Variants in NRROS observed in about 807,000 individuals in gnomAD.
NRROS encodes transforming growth factor beta activator LRRC33.
NRROS carries 6 observed loss-of-function variants against 12.0 expected under a neutral mutation model. The ratio of observed to expected loss-of-function variants is 0.50; its 90% CI spans 0.27 to 0.98. NRROS has a LOEUF of 0.98. NRROS is among the 50% of genes least tolerant of loss of function. NRROS has a pLI of 0.11. For synonymous variants in NRROS, 462 were observed against 410.2 expected, an observed-to-expected ratio of 1.13 and a Z score of -1.53; for missense variants, 857 against 888.2, an observed-to-expected ratio of 0.96 and a Z score of 0.45.
chr3:196,653,288 C>T (rs1737466912), intron 1 of NRROS, among the ~76,000 whole-genome samples: 1 of 152,230 alleles, frequency 6.6e-6, no homozygotes, highest in South Asian at 2.1e-4. Flanking sequence ...TGAAAGCTGG[C>T]TTACCCGGTT....
At chr3:196,640,182 G>C (rs1381872119) in intron 1 of NRROS, among the ~76,000 whole-genome samples, 2 of 152,220 alleles carry the variant, frequency 1.3e-5, no homozygotes, top group African/African-American at 4.8e-5. Flanking sequence ...GGCTCTGCAG[G>C]GAGCATGTGA....
rs1299936233 is a variant in NRROS, at chr3:196,661,278, G to A, written c.1635G>A (p.Gly545=). 15 of 1,613,034 alleles carry A rather than the reference G, an allele frequency of 9.3e-6. No individual in the cohort carries two copies. Among genetic ancestry groups the A allele is most frequent in the Admixed American group, 1.7e-5 (1 of 59,814 alleles). Residue 545 remains glycine (G), a synonymous_variant, in exon 3 of 3, where the codon GGG becomes GGA. Transcript: ENST00000328557. ...ATCTCAGGGACTTAGATCTGTCGGG[G>A]AATTGCTTGACCACCTTCCCAAGGT... ...FGNLRDLDLS[G]NCLTTFPRFG...
intron 1 of NRROS, among the ~76,000 whole-genome samples, chr3:196,652,078 G>A (rs934003482): frequency 2.0e-5 from 3 of 152,212 alleles, no homozygotes; most frequent in Non-Finnish European, 4.4e-5. Flanking sequence ...GCAGCTCTGG[G>A]GACAAACCGC....
chr3:196,653,831 A>G (rs1338886857), intron 1 of NRROS, among the ~76,000 whole-genome samples: 1 of 152,034 alleles, frequency 6.6e-6, no homozygotes, highest in African/African-American at 2.4e-5. Context: ...AAGCCTTCTC[A>G]TTATTGCTGT....
chr3:196,646,565 G>A (rs1298326478), intron 1 of NRROS, among the ~76,000 whole-genome samples: 4 of 152,214 alleles, frequency 2.6e-5, no homozygotes, highest in Non-Finnish European at 4.4e-5. Context: ...CTACCAGGCC[G>A]ACGCTGACCA....
intron 1 of NRROS, among the ~76,000 whole-genome samples, chr3:196,643,661 G>A (rs980674933): frequency 5.9e-5 from 9 of 152,178 alleles, no homozygotes; most frequent in African/African-American, 2.2e-4. Flanking sequence ...GCCTGGCAGG[G>A]GCCCACCCAT....
chr3:196,660,714 G>C lies in NRROS; in HGVS notation c.1071G>C (p.Leu357=), dbSNP rs146514744. 1.2e-4 allele frequency: 196 copies of C among 1,613,978 alleles called. No homozygotes were observed. The African/African-American group carries it at 2.5e-3, about 20-fold the overall frequency. Residue 357 remains leucine (L), a synonymous_variant, in exon 3 of 3, where the codon CTG becomes CTC. Transcript: ENST00000328557. This position sits in a 1 kb window ranked among gnomAD's most constrained non-coding sequence, Gnocchi z 7.7. ...FLRKMPSLSH[L]NLHQNCLMTL... ...GGAAAATGCCTTCCCTCTCCCACCTGAACCTCCACCAGAATTGCCTGATGA... is the reference window on the plus strand; with the variant it reads ...GGAAAATGCCTTCCCTCTCCCACCTCAACCTCCACCAGAATTGCCTGATGA...
Position 196,661,274 on chromosome 3 carries a change from CG to C in NRROS, c.1635del (p.Asn546IlefsTer3). The C allele has an allele frequency of 6.2e-7, 1 of 1,613,356 alleles. No homozygotes were observed. Among genetic ancestry groups the C allele is most frequent in the South Asian group, 1.1e-5 (1 of 90,952 alleles). On this transcript the variant is annotated frameshift_variant, in exon 3 of 3. Coordinates refer to ENST00000328557, the MANE Select transcript of NRROS (RefSeq NM_198565.3). LOFTEE classifies it low-confidence loss of function (END_TRUNC). ...GFGNLRDLDL[S>X]GNCLTTFPRF... is the part of the protein sequence containing the mutation. ...GGGAATCTCAGGGACTTAGATCTGT[CG>C]GGGAATTGCTTGACCACCTTCCCAA... is the stretch of plus-strand genomic sequence containing the variant.
chr3:196,660,374 C>A lies in NRROS; in HGVS notation c.731C>A (p.Thr244Asn). 1 of 1,613,988 alleles carries A rather than the reference C, an allele frequency of 6.2e-7. No individual in the cohort carries two copies. Among genetic ancestry groups the A allele is most frequent in the Non-Finnish European group, 8.5e-7 (1 of 1,179,984 alleles). ...SYNVLEWFLA[T>N]GGEAAFELET... ...AACGTCCTGGAGTGGTTCCTCGCGA[C>A]CGGGGGAGAGGCTGCCTTCGAGCTG... is the stretch of plus-strand genomic sequence containing the variant. Residue 244 changes from threonine (T) to asparagine (N), a missense_variant, in exon 3 of 3, where the codon ACC becomes AAC. Thr to Asn is a moderately conservative substitution (Grantham distance 65). Transcript: ENST00000328557. The surrounding 1 kb of genome is among the most constrained non-coding windows in gnomAD (Gnocchi z 7.7).
chr3:196,649,632 C>G (rs9832080), intron 1 of NRROS, among the ~76,000 whole-genome samples: 1 of 152,078 alleles, frequency 6.6e-6, no homozygotes, highest in Non-Finnish European at 1.5e-5. Context: ...CCACCGCGCC[C>G]GGCTAATTTT....
intron 1 of NRROS, among the ~76,000 whole-genome samples, chr3:196,646,535 T>A (rs1684452): frequency 0.29 from 43,694 of 151,966 alleles, 6,436 homozygotes; most frequent in South Asian, 0.37. Flanking sequence ...CAGGACGAGG[T>A]GGGCTGACCT....
rs762397772 is a variant in NRROS, at chr3:196,661,276, G to A, written c.1633G>A (p.Gly545Arg). 3 of 1,613,366 alleles carry A rather than the reference G, an allele frequency of 1.9e-6. No homozygotes were observed. The highest frequency in any genetic ancestry group is 1.3e-5 in the African/African-American group (1 of 75,016). Residue 545 changes from glycine to arginine, a missense_variant, in exon 3 of 3, where the codon GGG (glycine) becomes AGG (arginine). Transcript: ENST00000328557. ...FGNLRDLDLS[G>R]NCLTTFPRFG... ...GAATCTCAGGGACTTAGATCTGTCGGGGAATTGCTTGACCACCTTCCCAAG... is the reference window on the plus strand; with the variant it reads ...GAATCTCAGGGACTTAGATCTGTCGAGGAATTGCTTGACCACCTTCCCAAG...
At chr3:196,642,139 G>T (rs961083688) in intron 1 of NRROS, among the ~76,000 whole-genome samples, 18 of 152,098 alleles carry the variant, frequency 1.2e-4, no homozygotes, top group Admixed American at 2.6e-4. Flanking sequence ...TGAAAGCTCA[G>T]AGACGTGAAG....
intron 1 of NRROS, among the ~76,000 whole-genome samples, chr3:196,642,992 C>T (rs992842723): frequency 5.3e-5 from 8 of 151,050 alleles, no homozygotes; most frequent in Non-Finnish European, 1.2e-4. Flanking sequence ...GTCGCTTGAA[C>T]CTTGGAGGCG....
rs939065779 is a variant in NRROS at position 196,661,808 on chromosome 3, A to C, written c.*86A>C. The stretch of plus-strand genomic sequence containing the variant: ...GCTTTCAAGATGTGATGCAGAGGCC[A>C]AGTCTGACGAATTGAAGTTTCAATT... On this transcript the variant is annotated 3_prime_UTR_variant, in exon 3 of 3. Transcript: ENST00000328557. The C allele has an allele frequency of 8.6e-7, 1 of 1,158,142 alleles. No individual in the cohort carries two copies. Among genetic ancestry groups the C allele is most frequent in the Non-Finnish European group, 1.2e-6 (1 of 832,610 alleles). The allele number at this position is 1,158,142 out of a possible 1,614,324, so 71.7% of individuals were successfully genotyped here.
chr3:196,655,676 C>G (rs1050577355), intron 2 of NRROS, among the ~76,000 whole-genome samples: 1 of 152,206 alleles, frequency 6.6e-6, no homozygotes, highest in African/African-American at 2.4e-5. Context: ...GCTTACACAG[C>G]TGCGGGGAGG....
At chr3:196,649,632 C>T (rs9832080) in intron 1 of NRROS, among the ~76,000 whole-genome samples, 6,128 of 152,170 alleles carry the variant, frequency 0.04, 381 homozygotes, top group African/African-American at 0.14. Context: ...CCACCGCGCC[C>T]GGCTAATTTT....
chr3:196,658,713 C>A (rs1412084796), intron 2 of NRROS, among the ~76,000 whole-genome samples: 1 of 152,220 alleles, frequency 6.6e-6, no homozygotes, highest in Non-Finnish European at 1.5e-5. Context: ...CGCCTGTAAT[C>A]CCAGCACTTT....
intron 1 of NRROS, among the ~76,000 whole-genome samples, chr3:196,645,090 AT>A (rs982351104): frequency 4.0e-4 from 61 of 152,356 alleles, no homozygotes; most frequent in African/African-American, 1.4e-3. Flanking sequence ...TAAAAATCAA[AT>A]AATAAGAAAT....
Sources: allele counts gnomAD v4.1 joint callset (sites outside exome capture counted in the v4.1 genomes callset), GRCh38; gene constraint gnomAD v4.1.1; non-coding constraint Gnocchi (gnomAD v3.1); transcripts MANE v1.5; gene names NCBI Gene and HGNC (gene_info 2026-07-23, HGNC 2026-07-21).